SSBP2: variants seen among roughly 807,000 people sequenced by gnomAD.
SSBP2 encodes the protein single-stranded DNA-binding protein 2.
A neutral mutation model predicts 61.8 loss-of-function variants in SSBP2; 17 were observed. The observed-to-expected ratio is 0.28, with a 90% confidence interval of 0.19 to 0.41. The LOEUF is 0.41. Ranked by LOEUF, SSBP2 falls within the 10% of genes least tolerant of loss-of-function variation. SSBP2 has a pLI of 1.00. For synonymous variants in SSBP2, 139 were observed against 141.3 expected (o/e 0.98, Z 0.12); for missense variants, 310 against 458.7 (o/e 0.68, Z 2.96).
chr5:81,635,836 G>C (rs1036440602), intron 3 of SSBP2, among the ~76,000 whole-genome samples: 10 of 151,998 alleles, frequency 6.6e-5, no homozygotes, highest in African/African-American at 2.4e-4. Context: ...CACCCGCCTC[G>C]GCCTCCCAAA....
chr5:81,474,105 A>C (rs1017380208), intron 7 of SSBP2, among the ~76,000 whole-genome samples: 15 of 152,168 alleles, frequency 9.9e-5, no homozygotes, highest in African/African-American at 3.6e-4. Flanking sequence ...TTGTTAAACT[A>C]ATCAGGCCCC....
At chr5:81,665,250 G>A (rs6887473) in intron 1 of SSBP2, among the ~76,000 whole-genome samples, 32,409 of 152,010 alleles carry the variant, frequency 0.21, 3,990 homozygotes, top group Non-Finnish European at 0.28. Flanking sequence ...GCAGTGGTTT[G>A]TAGTTTTCCT....
intron 4 of SSBP2, among the ~76,000 whole-genome samples, chr5:81,557,148 C>T (rs1291971036): frequency 1.3e-5 from 2 of 152,132 alleles, no homozygotes; most frequent in East Asian, 3.9e-4. Context: ...TTCTTCTGTA[C>T]TTTAAAGATG....
chr5:81,485,825 A>G (rs578083161), intron 6 of SSBP2, among the ~76,000 whole-genome samples: 91 of 152,180 alleles, frequency 6.0e-4, no homozygotes, highest in Non-Finnish European at 1.2e-3. Context: ...TTGTGTTTTT[A>G]TCTACATAAT....
In SSBP2 at chr5:81,501,244, TATATATATATATATATATATATATACAC is replaced by T. The variant is rs1196025329; in HGVS notation, c.373-11963_373-11936del. 2.2e-3 allele frequency among the ~76,000 whole-genome samples: 122 copies of T among 54,790 alleles called. 13 individuals are homozygous for T. The highest frequency in any genetic ancestry group is 0.013 in the African/African-American group (101 of 7,652). 35.9% of individuals were successfully genotyped at this position (54,790 alleles called of 152,430 possible). A position where few individuals can be genotyped will look rare whatever the true frequency, so the allele number is the denominator to read the frequency against. On this transcript the variant is annotated intron_variant, in intron 5 of 16. Transcript: ENST00000320672. The stretch of plus-strand genomic sequence containing the variant: ...ATATATATATATATATATATATATA[TATATATATATATATATATATATATACAC>T]ACACACACACATGCACATACACCCA...
chr5:81,468,857 C>G lies in SSBP2; in HGVS notation c.571-1816G>C, dbSNP rs946021184. Among the ~76,000 whole-genome samples, 13 of 152,082 alleles carry G rather than the reference C, an allele frequency of 8.5e-5. No individual in the cohort carries two copies. In the East Asian group the frequency reaches 2.3e-3, roughly 27 times the overall value. On this transcript the variant is annotated intron_variant, in intron 8 of 16. Transcript: ENST00000320672. ...GACAATAGAATGATTTCTGTTCACA[C>G]TTGAGACATTGGTTAAAAGGATAGC...
chr5:81,448,165 T>C (rs888588224), intron 11 of SSBP2: 1 of 152,236 alleles, frequency 6.6e-6, no homozygotes, highest in African/African-American at 2.4e-5. Context: ...GACTTTGAGA[T>C]GTAGCTAGGA....
At chr5:81,607,957 T>C (rs149231413) in intron 4 of SSBP2, among the ~76,000 whole-genome samples, 1 of 152,308 alleles carries the variant, frequency 6.6e-6, no homozygotes, top group African/African-American at 2.4e-5. Context: ...CAAGTCAGTC[T>C]ACCTAGTGTG....
intron 12 of SSBP2, among the ~76,000 whole-genome samples, chr5:81,445,140 A>T (rs1256601505): frequency 7.5e-5 from 3 of 40,142 alleles, no homozygotes; most frequent in Admixed American, 4.5e-4. Flanking sequence ...AAAAAATTTT[A>T]TATATATATA....
intron 1 of SSBP2, among the ~76,000 whole-genome samples, chr5:81,729,661 T>C (rs895976994): frequency 6.6e-6 from 1 of 152,160 alleles, no homozygotes; most frequent in African/African-American, 2.4e-5. Context: ...ATTCATAAAA[T>C]GAACATGTTT....
chr5:81,715,600 T>C (rs569229756), intron 1 of SSBP2, among the ~76,000 whole-genome samples: 1 of 152,276 alleles, frequency 6.6e-6, no homozygotes, highest in South Asian at 2.1e-4. Flanking sequence ...AAAATAAAAC[T>C]GTGTACAAGA....
At chr5:81,524,494 T>C (rs72773026) in intron 4 of SSBP2, among the ~76,000 whole-genome samples, 10,790 of 152,054 alleles carry the variant, frequency 0.071, 400 homozygotes, top group Middle Eastern at 0.092. Context: ...AACTGAAAAC[T>C]AATATTCTCC....
At chr5:81,661,115 G>A (rs1750657048) in intron 1 of SSBP2, among the ~76,000 whole-genome samples, 1 of 152,068 alleles carries the variant, frequency 6.6e-6, no homozygotes, top group Non-Finnish European at 1.5e-5. Flanking sequence ...AATGGCGCAT[G>A]TATACTACGT....
chr5:81,433,253 T>C (rs1762451644), intron 15 of SSBP2, among the ~76,000 whole-genome samples: 1 of 152,066 alleles, frequency 6.6e-6, no homozygotes, highest in South Asian at 2.1e-4. Flanking sequence ...TTTCATTTTG[T>C]TCTATACTAA....
intron 8 of SSBP2, among the ~76,000 whole-genome samples, chr5:81,468,684 G>A (rs1005531611): frequency 2.6e-5 from 4 of 151,986 alleles, no homozygotes; most frequent in Admixed American, 2.6e-4. Flanking sequence ...AGATGACAAG[G>A]AAATAAATCA....
chr5:81,423,076 A>G (rs1427806618), intron 16 of SSBP2, among the ~76,000 whole-genome samples: 2 of 152,386 alleles, frequency 1.3e-5, no homozygotes, highest in Non-Finnish European at 2.9e-5. Flanking sequence ...AGATTTTACT[A>G]GAGTAGAAAA....
At chr5:81,425,774 TGTCAA>T (rs1761912749) in intron 16 of SSBP2, among the ~76,000 whole-genome samples, 1 of 152,154 alleles carries the variant, frequency 6.6e-6, no homozygotes, top group Non-Finnish European at 1.5e-5. Context: ...CATTTTGTTT[TGTCAA>T]GCATGTTGGC....
intron 15 of SSBP2, among the ~76,000 whole-genome samples, chr5:81,437,110 T>TTTTGA (rs1419477093): frequency 5.9e-5 from 9 of 151,866 alleles, no homozygotes; most frequent in Non-Finnish European, 1.2e-4. Context: ...AAAGATTATC[T>TTTTGA]AAATTCTGTA....
intron 6 of SSBP2, among the ~76,000 whole-genome samples, chr5:81,480,891 T>A (rs1483719170): frequency 6.6e-6 from 1 of 152,196 alleles, no homozygotes; most frequent in Non-Finnish European, 1.5e-5. Flanking sequence ...AAATTCTAAA[T>A]CCTTTGTTGT....
Sources: allele counts gnomAD v4.1 joint callset (sites outside exome capture counted in the v4.1 genomes callset), GRCh38; gene constraint gnomAD v4.1.1; transcripts MANE v1.5; gene names NCBI Gene and HGNC (gene_info 2026-07-23, HGNC 2026-07-21).